The following LRP1B variants were observed in gnomAD, a reference collection of about 807,000 sequenced individuals.
LRP1B encodes low-density lipoprotein receptor-related protein 1B.
LRP1B carries 217 observed loss-of-function variants against 556.6 expected under a neutral mutation model. The ratio of observed to expected loss-of-function variants is 0.39; its 90% CI spans 0.35 to 0.44. The LOEUF (loss-of-function observed/expected upper bound fraction) is 0.44. Ranked by LOEUF, LRP1B falls within the 20% of genes least tolerant of loss-of-function variation. The pLI is 1.00. For synonymous variants in LRP1B, 2,047 were observed against 1,865.8 expected, an observed-to-expected ratio of 1.10 and a Z score of -2.50; for missense variants, 5,053 against 5,620.8, an observed-to-expected ratio of 0.90 and a Z score of 3.23.
intron 1 of LRP1B, among the ~76,000 whole-genome samples, chr2:141,897,911 C>A (rs1490458813): frequency 6.6e-6 from 1 of 152,144 alleles, no homozygotes; most frequent in Non-Finnish European, 1.5e-5. Flanking sequence ...CACTTACATG[C>A]ATATGTATAT....
intron 37 of LRP1B, among the ~76,000 whole-genome samples, chr2:140,712,754 T>C (rs2105453546): frequency 6.6e-6 from 1 of 152,212 alleles, no homozygotes; most frequent in Middle Eastern, 3.4e-3. Flanking sequence ...TCCTTACTCA[T>C]CTTCTGAAAT....
chr2:140,942,933 A>G (rs1050166352), intron 20 of LRP1B, among the ~76,000 whole-genome samples: 3 of 152,146 alleles, frequency 2.0e-5, no homozygotes, highest in Non-Finnish European at 2.9e-5. Flanking sequence ...TCTTATATCA[A>G]TATTAACCTT....
intron 2 of LRP1B, among the ~76,000 whole-genome samples, chr2:141,801,688 A>G (rs1159162663): frequency 6.6e-6 from 1 of 152,136 alleles, no homozygotes; most frequent in Non-Finnish European, 1.5e-5. Context: ...GTATAATTAC[A>G]TTAGGTGTTC....
chr2:141,660,765 G>T (rs576330780), intron 2 of LRP1B, among the ~76,000 whole-genome samples: 1 of 152,068 alleles, frequency 6.6e-6, no homozygotes, highest in African/African-American at 2.4e-5. Flanking sequence ...TGAAAAATCC[G>T]GGCCGTCCAG....
chr2:140,459,399 G>A (rs981145539), intron 60 of LRP1B, among the ~76,000 whole-genome samples: 2 of 152,126 alleles, frequency 1.3e-5, no homozygotes, highest in Non-Finnish European at 2.9e-5. Flanking sequence ...AATATTTAAT[G>A]TGAATCTCGT....
At chr2:141,183,656 A>G (rs1042358439) in intron 7 of LRP1B, among the ~76,000 whole-genome samples, 6 of 152,186 alleles carry the variant, frequency 3.9e-5, no homozygotes, top group African/African-American at 1.4e-4. Context: ...GCAAGTCAAA[A>G]GATTCATCCC....
At chr2:140,318,276 T>A (rs1052631529) in intron 82 of LRP1B, among the ~76,000 whole-genome samples, 1 of 152,154 alleles carries the variant, frequency 6.6e-6, no homozygotes, top group Non-Finnish European at 1.5e-5. Flanking sequence ...TCAAGACCTA[T>A]ATGTGTAAAG....
At chr2:140,511,053 T>C (rs1447315526) in intron 51 of LRP1B, among the ~76,000 whole-genome samples, 3 of 152,058 alleles carry the variant, frequency 2.0e-5, no homozygotes, top group Non-Finnish European at 2.9e-5. Context: ...GAATTGATGC[T>C]AAAAAAGAAA....
Position 140,598,788 on chromosome 2 carries a change from C to T in LRP1B, c.7037G>A (p.Arg2346Lys), listed in dbSNP as rs758423489. 3 of 1,611,948 alleles carry T rather than the reference C, an allele frequency of 1.9e-6. No individual in the cohort carries two copies. The highest frequency in any genetic ancestry group is 2.5e-6 in the Non-Finnish European group (3 of 1,178,184). The change falls in exon 43 of 91, where the codon AGA becomes AAA. Residue 2346 changes from arginine to lysine, a missense_variant. Arg to Lys is a conservative substitution (Grantham distance 26). Coordinates refer to ENST00000389484, the MANE Select transcript of LRP1B (RefSeq NM_018557.3). The part of the protein sequence containing the change: ...NWNEQHPSIM[R>K]STLTGKNAQV... The stretch of plus-strand genomic sequence containing the variant: ...AGCATTTTTCCCAGTCAGAGTAGAT[C>T]TCATGATACTTGGATGTTGTTCATT...
intron 41 of LRP1B, among the ~76,000 whole-genome samples, chr2:140,682,700 G>A (rs1574236098): frequency 6.9e-6 from 1 of 145,148 alleles, no homozygotes; most frequent in African/African-American, 2.5e-5. Flanking sequence ...GTGTGTGTGC[G>A]TGCACCTTGT....
chr2:142,114,763 G>C (rs1284019706), intron 1 of LRP1B, among the ~76,000 whole-genome samples: 2 of 152,010 alleles, frequency 1.3e-5, no homozygotes, highest in African/African-American at 4.8e-5. Context: ...GGTGTGCTAG[G>C]GTGGGAAATG....
At chr2:140,875,284 T>C (rs2105171069) in intron 25 of LRP1B, among the ~76,000 whole-genome samples, 1 of 152,308 alleles carries the variant, frequency 6.6e-6, no homozygotes, top group South Asian at 2.1e-4. Flanking sequence ...AAAGGCATAC[T>C]AATGCAAGAC....
At chr2:141,527,336 C>G (rs1440828982) in intron 2 of LRP1B, among the ~76,000 whole-genome samples, 1 of 151,594 alleles carries the variant, frequency 6.6e-6, no homozygotes, top group Non-Finnish European at 1.5e-5. Flanking sequence ...AAGTTTCTTC[C>G]ATGTAAAGAC....
intron 20 of LRP1B, among the ~76,000 whole-genome samples, chr2:140,944,388 AGAG>A (rs1451778239): frequency 1.3e-5 from 2 of 152,136 alleles, no homozygotes; most frequent in Non-Finnish European, 2.9e-5. Context: ...AAAAAACTGC[AGAG>A]GAGGGACTCC....
At chr2:140,610,959 T>C (rs1204834341) in intron 41 of LRP1B, among the ~76,000 whole-genome samples, 1 of 152,214 alleles carries the variant, frequency 6.6e-6, no homozygotes, top group Non-Finnish European at 1.5e-5. Flanking sequence ...ATTATGTGAG[T>C]TAACATTTGT....
At chr2:142,085,042 A>G (rs771352675) in intron 1 of LRP1B, among the ~76,000 whole-genome samples, 77 of 152,152 alleles carry the variant, frequency 5.1e-4, no homozygotes, top group Non-Finnish European at 9.0e-4. Context: ...TGAGGCCCTG[A>G]AACTTTTCAG....
At chr2:140,642,340 C>T (rs370453569) in intron 41 of LRP1B, among the ~76,000 whole-genome samples, 1 of 152,158 alleles carries the variant, frequency 6.6e-6, no homozygotes, top group African/African-American at 2.4e-5. Flanking sequence ...ACTTCGAGTG[C>T]GTCTCCTGAG....
chr2:141,816,181 G>C (rs576629124), intron 1 of LRP1B, among the ~76,000 whole-genome samples: 1 of 152,272 alleles, frequency 6.6e-6, no homozygotes, highest in African/African-American at 2.4e-5. Flanking sequence ...CAAACCAACT[G>C]TGATGGCTAA....
At chr2:140,508,791 C>T (rs1210827983) in intron 52 of LRP1B, among the ~76,000 whole-genome samples, 1 of 151,946 alleles carries the variant, frequency 6.6e-6, no homozygotes, top group African/African-American at 2.4e-5. Flanking sequence ...TTAATAGTAC[C>T]CTTGTGGTAC....
Sources: gnomAD v4.1 joint callset for allele counts (sites outside exome capture counted in the v4.1 genomes callset) on GRCh38, gnomAD v4.1.1 for gene constraint, MANE v1.5 for transcripts, NCBI Gene and HGNC (gene_info 2026-07-23, HGNC 2026-07-21) for gene names.